Variants in RAPGEF5 observed in about 807,000 individuals in gnomAD.
The protein encoded by RAPGEF5 is Rap guanine nucleotide exchange factor 5, also known as M-Ras-regulated GEF.
RAPGEF5 carries 65 observed loss-of-function variants against 125.2 expected under a neutral mutation model. That is an observed-to-expected ratio of 0.52 (90% CI 0.43 to 0.64). RAPGEF5 has a LOEUF of 0.64. Among genes scored for constraint, RAPGEF5 ranks in the 30% least tolerant of loss-of-function variants. RAPGEF5 has a pLI of 0.00. For synonymous variants in RAPGEF5, 391 were observed against 385.9 expected, an observed-to-expected ratio of 1.01 and a Z score of -0.16; for missense variants, 958 against 1,048.1, an observed-to-expected ratio of 0.91 and a Z score of 1.19.
At chr7:22,195,006 G>A (rs1785113467) in intron 9 of RAPGEF5, among the ~76,000 whole-genome samples, 1 of 152,202 alleles carries the variant, frequency 6.6e-6, no homozygotes, top group Admixed American at 6.5e-5. Flanking sequence ...CCCTATTTCT[G>A]AGGATTGGAG....
chr7:22,178,696 C>T (rs1281564673), intron 11 of RAPGEF5, among the ~76,000 whole-genome samples: 2 of 152,168 alleles, frequency 1.3e-5, no homozygotes, highest in East Asian at 1.9e-4. Context: ...CTTCATGGCA[C>T]ATGGATGTGT....
At chr7:22,125,403 T>G (rs1349901562) in intron 25 of RAPGEF5, 6 of 508,202 alleles carry the variant, frequency 1.2e-5, no homozygotes, top group Non-Finnish European at 2.1e-5. Context: ...GATAATAATC[T>G]GCCATATCTT....
At chr7:22,261,281 C>T (rs1350402631) in intron 7 of RAPGEF5, among the ~76,000 whole-genome samples, 1 of 151,954 alleles carries the variant, frequency 6.6e-6, no homozygotes, top group Non-Finnish European at 1.5e-5. Flanking sequence ...GAGAATTAAA[C>T]TGCTAGTATA....
intron 2 of RAPGEF5, among the ~76,000 whole-genome samples, chr7:22,317,096 T>A (rs1783617029): frequency 6.6e-6 from 1 of 151,940 alleles, no homozygotes; most frequent in Non-Finnish European, 1.5e-5. Context: ...ATTCACTCAG[T>A]CATTCAAAAA....
intron 1 of RAPGEF5, among the ~76,000 whole-genome samples, chr7:22,326,526 G>T (rs932852563): frequency 6.6e-6 from 1 of 152,172 alleles, no homozygotes; most frequent in East Asian, 1.9e-4. Flanking sequence ...AAACTTTAAA[G>T]AACAGGAAGA....
At chr7:22,198,723 A>G (rs1785208599) in intron 9 of RAPGEF5, among the ~76,000 whole-genome samples, 1 of 152,208 alleles carries the variant, frequency 6.6e-6, no homozygotes, top group African/African-American at 2.4e-5. Flanking sequence ...TATGACAACT[A>G]ACACTTACTG....
At chr7:22,248,378 T>C (rs1786532470) in intron 7 of RAPGEF5, among the ~76,000 whole-genome samples, 1 of 152,150 alleles carries the variant, frequency 6.6e-6, no homozygotes, top group Non-Finnish European at 1.5e-5. Context: ...GAATTCTAAG[T>C]CTTGGGTTAG....
intron 1 of RAPGEF5, among the ~76,000 whole-genome samples, chr7:22,337,840 A>C (rs1393873444): frequency 6.6e-6 from 1 of 152,246 alleles, no homozygotes; most frequent in Non-Finnish European, 1.5e-5. Context: ...TTTTGTTTAT[A>C]AAGCACATTG....
intron 5 of RAPGEF5, chr7:22,298,541 C>T (rs1360009325): frequency 6.6e-6 from 1 of 152,148 alleles, no homozygotes. Flanking sequence ...GAATGTGAAA[C>T]AGTCACTCCT....
chr7:22,156,193 T>C (rs1014423048), intron 16 of RAPGEF5, among the ~76,000 whole-genome samples: 2 of 152,214 alleles, frequency 1.3e-5, no homozygotes. Context: ...TATAATTGCA[T>C]TAAAATTTTA....
At chr7:22,193,814 A>G (rs766306899) in intron 10 of RAPGEF5, 101 bp downstream of exon 10, 4 of 1,611,178 alleles carry the variant, frequency 2.5e-6, no homozygotes, top group African/African-American at 2.7e-5. Flanking sequence ...GAGGGAGGGT[A>G]GAGGAGGCAG....
intron 17 of RAPGEF5, among the ~76,000 whole-genome samples, chr7:22,152,690 A>C (rs1456133337): frequency 6.6e-6 from 1 of 152,232 alleles, no homozygotes; most frequent in Non-Finnish European, 1.5e-5. Flanking sequence ...ACAAAAACAA[A>C]GAAAAAACTC....
chr7:22,161,440 A>G (rs74522390), intron 13 of RAPGEF5, among the ~76,000 whole-genome samples: 4,452 of 151,694 alleles, frequency 0.029, 81 homozygotes, highest in Middle Eastern at 0.065. Flanking sequence ...AGGAGGGTGA[A>G]GTGCAAGGAT....
chr7:22,130,699 T>G (rs1268537982), intron 24 of RAPGEF5, among the ~76,000 whole-genome samples: 1 of 152,202 alleles, frequency 6.6e-6, no homozygotes, highest in Non-Finnish European at 1.5e-5. Context: ...CTCCTGAGTG[T>G]GGATTCCTCC....
chr7:22,174,392 G>C (rs1034300044), intron 11 of RAPGEF5, among the ~76,000 whole-genome samples: 2 of 152,086 alleles, frequency 1.3e-5, no homozygotes, highest in African/African-American at 2.4e-5. Flanking sequence ...TCTGTGAGTT[G>C]ACAAAATTTA....
rs1046398006 is a variant in RAPGEF5, at chr7:22,118,294, A to G, written c.*4112T>C. 1 of 152,520 alleles carries G rather than the reference A, an allele frequency of 6.6e-6. No individual in the cohort carries two copies. Among genetic ancestry groups the G allele is most frequent in the Admixed American group, 6.5e-5 (1 of 15,280 alleles). The allele number at this position is 152,520 out of a possible 1,614,324, so 9.4% of individuals were successfully genotyped here. ...ATCACAGAGAAAGCAAGAAACTAAG[A>G]GGCATGAATAGTGTCTTTAACATAG... On this transcript the variant is annotated 3_prime_UTR_variant, in exon 26 of 26. Coordinates refer to ENST00000665637, the MANE Select transcript of RAPGEF5 (RefSeq NM_012294.5).
chr7:22,336,984 A>G (rs77540179), intron 1 of RAPGEF5, among the ~76,000 whole-genome samples: 15,095 of 152,184 alleles, frequency 0.099, 779 homozygotes, highest in South Asian at 0.17. Flanking sequence ...ACAAGTGCAC[A>G]GGCCCTGAGG....
chr7:22,279,981 TG>T (rs747985770), intron 6 of RAPGEF5, among the ~76,000 whole-genome samples: 11 of 152,102 alleles, frequency 7.2e-5, no homozygotes, highest in Non-Finnish European at 1.3e-4. Context: ...GCTTCCTATG[TG>T]CCAGTAGAGA....
At chr7:22,161,081 G>A (rs1229315270) in intron 13 of RAPGEF5, among the ~76,000 whole-genome samples, 3 of 151,536 alleles carry the variant, frequency 2.0e-5, no homozygotes, top group African/African-American at 7.3e-5. Context: ...GGTAGCGGGC[G>A]CCTGTAATCC....
Sources: gnomAD v4.1 joint callset for allele counts (sites outside exome capture counted in the v4.1 genomes callset) on GRCh38, gnomAD v4.1.1 for gene constraint, MANE v1.5 for transcripts, NCBI Gene and HGNC (gene_info 2026-07-23, HGNC 2026-07-21) for gene names.